Variants in CHD9NB observed in about 807,000 individuals in gnomAD.
CHD9NB encodes the protein CHD9 neighbor.
the CHD9NB span, among the ~76,000 whole-genome samples, chr16:53,048,851 G>A: frequency 6.6e-6 from 1 of 152,112 alleles, no homozygotes; most frequent in East Asian, 1.9e-4. Context: ...CCTGCCTCTG[G>A]TCTCTCCCAG....
chr16:53,043,828 C>T, the CHD9NB span: 1 of 395,260 alleles, frequency 2.5e-6, no homozygotes, highest in Non-Finnish European at 4.5e-6. Flanking sequence ...TCCTCCCCAC[C>T]TCTCCAATGA....
the CHD9NB span, among the ~76,000 whole-genome samples, chr16:53,047,955 TGCCATG>T: frequency 7.3e-6 from 1 of 136,594 alleles, no homozygotes; most frequent in Non-Finnish European, 1.5e-5. Context: ...GCTATGATTG[TGCCATG>T]GCACTCCAGC....
the CHD9NB span, among the ~76,000 whole-genome samples, chr16:53,038,577 C>G: frequency 6.6e-6 from 1 of 152,212 alleles, no homozygotes; most frequent in Non-Finnish European, 1.5e-5. Context: ...TCTCGAACTC[C>G]AGACCTCAAG....
chr16:53,037,044 T>C, the CHD9NB span, among the ~76,000 whole-genome samples: 1 of 152,172 alleles, frequency 6.6e-6, no homozygotes, highest in Non-Finnish European at 1.5e-5. Context: ...CAAGGGATTC[T>C]TGTGCCTCAG....
At chr16:53,052,267 C>T in the CHD9NB span, among the ~76,000 whole-genome samples, 3 of 150,972 alleles carry the variant, frequency 2.0e-5, no homozygotes, top group East Asian at 1.9e-4. Context: ...ATTAGCCAGG[C>T]ATGGTGGCAC....
the CHD9NB span, among the ~76,000 whole-genome samples, chr16:53,052,143 T>C: frequency 6.7e-6 from 1 of 149,430 alleles, no homozygotes; most frequent in East Asian, 2.0e-4. Context: ...ACTTAGGAGG[T>C]TGGGGTGGGA....
the CHD9NB span, among the ~76,000 whole-genome samples, chr16:53,046,520 A>G: frequency 6.6e-6 from 1 of 151,958 alleles, no homozygotes; most frequent in Non-Finnish European, 1.5e-5. Context: ...TACCAAAAAA[A>G]AAAAAAATAC....
the CHD9NB span, among the ~76,000 whole-genome samples, chr16:53,040,985 G>A: frequency 7.2e-5 from 11 of 152,162 alleles, no homozygotes; most frequent in Admixed American, 3.9e-4. Flanking sequence ...GAACAGATGG[G>A]TGGATGGATG....
chr16:53,045,264 C>T, the CHD9NB span, among the ~76,000 whole-genome samples: 15 of 152,286 alleles, frequency 9.8e-5, no homozygotes, highest in South Asian at 2.9e-3. Context: ...GTCTCTTTAT[C>T]AGTATGCTAA....
the CHD9NB span, among the ~76,000 whole-genome samples, chr16:53,052,277 C>T: frequency 6.6e-6 from 1 of 150,994 alleles, no homozygotes; most frequent in African/African-American, 2.4e-5. Context: ...CATGGTGGCA[C>T]ATGCCTGCAG....
chr16:53,051,842 T>C, the CHD9NB span, among the ~76,000 whole-genome samples: 1 of 145,976 alleles, frequency 6.9e-6, no homozygotes, highest in Admixed American at 6.9e-5. Flanking sequence ...GTTCCATATA[T>C]AAAGCACAGC....
chr16:53,049,969 C>T, the CHD9NB span, among the ~76,000 whole-genome samples: 2 of 152,076 alleles, frequency 1.3e-5, no homozygotes, highest in East Asian at 3.9e-4. Context: ...TTTCGGAGGC[C>T]GAGGTGGGCG....
At chr16:53,049,322 T>TTGTGTGTGTGTGTGTGTGTGTG in the CHD9NB span, among the ~76,000 whole-genome samples, 1 of 144,890 alleles carries the variant, frequency 6.9e-6, no homozygotes, top group African/African-American at 2.6e-5. Flanking sequence ...CCCCCAGCTG[T>TTGTGTGTGTGTGTGTGTGTGTG]TGTGTGTGTG....
the CHD9NB span, among the ~76,000 whole-genome samples, chr16:53,036,426 G>T: frequency 1.3e-5 from 2 of 152,152 alleles, no homozygotes; most frequent in African/African-American, 4.8e-5. Context: ...TACTCCACCT[G>T]CCCTTTACAT....
chr16:53,041,263 A>G, the CHD9NB span, among the ~76,000 whole-genome samples: 400 of 152,388 alleles, frequency 2.6e-3, no homozygotes, highest in African/African-American at 9.3e-3. Flanking sequence ...ATTTCAGTAG[A>G]CATAATCCTA....
the CHD9NB span, chr16:53,044,069 C>T: frequency 2.5e-6 from 1 of 398,830 alleles, no homozygotes; most frequent in Non-Finnish European, 4.4e-6. Flanking sequence ...GGGTGCCGGT[C>T]TCCAGACCTG....
the CHD9NB span, among the ~76,000 whole-genome samples, chr16:53,051,684 G>T: frequency 1.3e-5 from 2 of 148,508 alleles, 1 homozygote; most frequent in Admixed American, 1.4e-4. Flanking sequence ...CAAGTTAATG[G>T]GTGCAGCACA....
At chr16:53,051,122 C>T in the CHD9NB span, among the ~76,000 whole-genome samples, 3 of 152,144 alleles carry the variant, frequency 2.0e-5, no homozygotes, top group African/African-American at 4.8e-5. Flanking sequence ...CTCCTGACCT[C>T]GTGATCCGCC....
chr16:53,046,246 C>T, the CHD9NB span, among the ~76,000 whole-genome samples: 1 of 152,100 alleles, frequency 6.6e-6, no homozygotes, highest in African/African-American at 2.4e-5. Flanking sequence ...TCATGCTTAA[C>T]TCAAGTCAGC....
Sources: gnomAD v4.1 joint callset for allele counts (sites outside exome capture counted in the v4.1 genomes callset) on GRCh38, gnomAD v4.1.1 for gene constraint, MANE v1.5 for transcripts, NCBI Gene and HGNC (gene_info 2026-07-23, HGNC 2026-07-21) for gene names.